RAVER2: variants seen among roughly 807,000 people sequenced by gnomAD.
RAVER2 encodes ribonucleoprotein PTB-binding 2.
A neutral mutation model predicts 78.1 loss-of-function variants in RAVER2; 46 were observed. The ratio of observed to expected loss-of-function variants is 0.59; its 90% CI spans 0.46 to 0.75. RAVER2 has a LOEUF of 0.75. Among genes scored for constraint, RAVER2 ranks in the 30% least tolerant of loss-of-function variants. The pLI, the probability that RAVER2 is intolerant of heterozygous loss-of-function variation, is 0.00. For synonymous variants in RAVER2, 311 were observed against 313.3 expected (o/e 0.99, Z 0.08); for missense variants, 793 against 837.5 (o/e 0.95, Z 0.66).
exon 3 of RAVER2, chr1:64,777,787 C>T: frequency 1.9e-6 from 3 of 1,614,024 alleles, no homozygotes; most frequent in Non-Finnish European, 2.5e-6. Context: ...GTTTGAAGAA[C>T]TTGTTCGTGC....
At chr1:64,833,091 G>GTGGTGTT (rs1553157356) in exon 12 of RAVER2, 13 of 179,656 alleles carry the variant, frequency 7.2e-5, no homozygotes, top group Non-Finnish European at 1.5e-4. Context: ...AAATCAAGTG[G>GTGGTGTT]TGTTTGTTTG....
At chr1:64,781,775 A>G (rs1464264346) in intron 4 of RAVER2, among the ~76,000 whole-genome samples, 1 of 152,236 alleles carries the variant, frequency 6.6e-6, no homozygotes, top group Non-Finnish European at 1.5e-5. Flanking sequence ...TACCAAAAAA[A>G]GAAATTGTGT....
intron 1 of RAVER2, among the ~76,000 whole-genome samples, chr1:64,755,741 T>TTG (rs1296831601): frequency 4.8e-5 from 7 of 144,824 alleles, no homozygotes; most frequent in African/African-American, 1.5e-4. Flanking sequence ...TTTTTTTTTT[T>TTG]TTTTTTTTTT....
intron 1 of RAVER2, among the ~76,000 whole-genome samples, chr1:64,748,162 C>A (rs1226714630): frequency 6.6e-6 from 1 of 152,134 alleles, no homozygotes; most frequent in Admixed American, 6.5e-5. Context: ...AAAGTGAACA[C>A]CTTTATATTA....
At chr1:64,772,644 A>G (rs1389100862) in intron 2 of RAVER2, among the ~76,000 whole-genome samples, 5 of 152,224 alleles carry the variant, frequency 3.3e-5, no homozygotes, top group African/African-American at 4.8e-5. Flanking sequence ...GGAGTAATGC[A>G]TGGACGAATT....
intron 5 of RAVER2, 142 bp from the exon 6 acceptor site, chr1:64,802,834 T>C (rs1653305441): frequency 2.1e-6 from 1 of 482,874 alleles, no homozygotes; most frequent in Admixed American, 3.9e-5. Flanking sequence ...TTTTGACCAA[T>C]GACAAGGTCA....
intron 1 of RAVER2, among the ~76,000 whole-genome samples, chr1:64,748,367 T>TA (rs1430848489): frequency 6.6e-6 from 1 of 152,356 alleles, no homozygotes; most frequent in African/African-American, 2.4e-5. Context: ...TCCTGTTTCT[T>TA]ACATTTTAGC....
At chr1:64,814,490 G>C (rs1213370710) in intron 10 of RAVER2, among the ~76,000 whole-genome samples, 1 of 152,052 alleles carries the variant, frequency 6.6e-6, no homozygotes, top group African/African-American at 2.4e-5. Flanking sequence ...GAATAAGACA[G>C]TATTATATAC....
rs749966541 is a variant in RAVER2 at position 64,803,062 on chromosome 1, G to A, written c.1191+1G>A. 1 of 1,577,094 alleles carries A rather than the reference G, an allele frequency of 6.3e-7. No homozygotes were observed. The highest frequency in any genetic ancestry group is 8.7e-7 in the Non-Finnish European group (1 of 1,148,366). On this transcript the variant is annotated splice_donor_variant, in intron 6 of 11. Transcript: ENST00000294428. LOFTEE classifies it high-confidence loss of function. ...TTTACATTTGAATAAAGCACATCAG[G>A]TACATAAATAACATTGAGTACTGAA... is the stretch of plus-strand genomic sequence containing the variant.
At chr1:64,801,911 C>G (rs984977306) in intron 5 of RAVER2, among the ~76,000 whole-genome samples, 2 of 152,220 alleles carry the variant, frequency 1.3e-5, no homozygotes, top group African/African-American at 4.8e-5. Flanking sequence ...ATAGGCAGAA[C>G]AGTGGCATGG....
chr1:64,831,035 T>G, exon 12 of RAVER2: 1 of 1,541,928 alleles, frequency 6.5e-7, no homozygotes. Flanking sequence ...GTATCTCTGC[T>G]GTTCATCGCT....
At chr1:64,822,525 T>C in intron 11 of RAVER2, among the ~76,000 whole-genome samples, 1 of 152,054 alleles carries the variant, frequency 6.6e-6, no homozygotes, top group South Asian at 2.1e-4. Flanking sequence ...TGAAGAAAAA[T>C]GAACCATAGC....
At chr1:64,832,636 A>ATGCTT (rs1654185138) in exon 12 of RAVER2, 1 of 152,144 alleles carries the variant, frequency 6.6e-6, no homozygotes, top group African/African-American at 2.4e-5. Flanking sequence ...CATATGTTGT[A>ATGCTT]TGCTTTGTAA....
chr1:64,811,711 A>C (rs80321963), intron 9 of RAVER2, among the ~76,000 whole-genome samples: 4,436 of 152,320 alleles, frequency 0.029, 199 homozygotes, highest in African/African-American at 0.1. Flanking sequence ...CATATGTGTT[A>C]ATTGTTGGCT....
intron 4 of RAVER2, among the ~76,000 whole-genome samples, chr1:64,787,322 C>A (rs1411680749): frequency 1.3e-5 from 2 of 152,032 alleles, no homozygotes; most frequent in Admixed American, 1.3e-4. Flanking sequence ...CTGTATGTCA[C>A]TGTTTAGAGG....
intron 2 of RAVER2, among the ~76,000 whole-genome samples, chr1:64,775,840 G>A (rs769997645): frequency 2.0e-5 from 3 of 151,906 alleles, no homozygotes; most frequent in African/African-American, 2.4e-5. Flanking sequence ...CCAACATGGC[G>A]CAACCCCATC....
At chr1:64,793,465 G>A (rs1438774741) in intron 5 of RAVER2, among the ~76,000 whole-genome samples, 1 of 152,008 alleles carries the variant, frequency 6.6e-6, no homozygotes, top group African/African-American at 2.4e-5. Flanking sequence ...AATTATTCTA[G>A]ACTTCTTTAT....
Position 64,812,865 on chromosome 1 carries a change from G to A in RAVER2, c.1792+16G>A. On this transcript the variant is annotated intron_variant, in intron 10 of 11. Transcript: ENST00000294428. ...TGCTTATCATGTAAGTAGGGGCTCA[G>A]TATTCTTGTTGTGGAGTTTTACTGA... The A allele has an allele frequency of 6.6e-7, 1 of 1,523,876 alleles. No homozygotes were observed. 94.4% of individuals were successfully genotyped at this position (1,523,876 alleles called of 1,614,324 possible). A position where few individuals can be genotyped will look rare whatever the true frequency, so the allele number is the denominator to read the frequency against.
At chr1:64,773,141 G>A (rs187252823) in intron 2 of RAVER2, among the ~76,000 whole-genome samples, 16 of 152,210 alleles carry the variant, frequency 1.1e-4, no homozygotes, top group Admixed American at 1.0e-3. Context: ...ATTTCTGGGT[G>A]TTGTGTGACC....
Sources: allele counts gnomAD v4.1 joint callset (sites outside exome capture counted in the v4.1 genomes callset), GRCh38; gene constraint gnomAD v4.1.1; transcripts MANE v1.5; gene names NCBI Gene and HGNC (gene_info 2026-07-23, HGNC 2026-07-21).